The following PCSK5 variants were observed in gnomAD, a reference collection of about 807,000 sequenced individuals.
PCSK5 encodes the protein prohormone convertase 5.
Under a neutral mutation model 233.2 loss-of-function variants are expected in PCSK5, and 129 were observed. The observed-to-expected ratio is 0.55, with a 90% CI of 0.48 to 0.64. PCSK5 has a LOEUF of 0.64. PCSK5 is among the 30% of genes least tolerant of loss of function. PCSK5 has a pLI of 0.00. For missense variants in PCSK5, 2,076 were observed against 2,430.1 expected (o/e 0.85, Z 3.06); for synonymous variants, 825 against 879.2 (o/e 0.94, Z 1.09).
chr9:76,133,269 G>A (rs575169282), intron 9 of PCSK5, among the ~76,000 whole-genome samples: 18 of 152,072 alleles, frequency 1.2e-4, no homozygotes, highest in Non-Finnish European at 2.4e-4. Flanking sequence ...TAAGTATCCT[G>A]ATTAGAATTG....
rs149902595 is a variant in PCSK5, at chr9:76,308,976, G to A, written c.3688+248G>A. Reference sequence around the variant, plus strand: ...TTCACACCTGTAATCCCAACATTTTGAGAGGCTGAGGCGGGAGGATTTCTT... The same window carrying A: ...TTCACACCTGTAATCCCAACATTTTAAGAGGCTGAGGCGGGAGGATTTCTT... On this transcript the variant is annotated intron_variant, in intron 29 of 37. Transcript: ENST00000674117. 2.8e-3 allele frequency among the ~76,000 whole-genome samples: 424 copies of A among 152,332 alleles called. 3 individuals are homozygous for A. Among genetic ancestry groups the A allele is most frequent in the African/African-American group, 9.8e-3 (408 of 41,572 alleles).
intron 1 of PCSK5, among the ~76,000 whole-genome samples, chr9:75,902,824 G>T (rs907621421): frequency 2.6e-5 from 4 of 152,140 alleles, no homozygotes; most frequent in East Asian, 1.9e-4. Context: ...TGCACTGCAG[G>T]TCCCTTACCA....
At chr9:76,235,346 T>A (rs1416179599) in intron 22 of PCSK5, among the ~76,000 whole-genome samples, 1 of 152,116 alleles carries the variant, frequency 6.6e-6, no homozygotes, top group Non-Finnish European at 1.5e-5. Flanking sequence ...CAAGATGGCA[T>A]CCAAAATCAC....
chr9:76,313,002 A>G (rs1357509511), intron 30 of PCSK5, among the ~76,000 whole-genome samples: 2 of 152,164 alleles, frequency 1.3e-5, no homozygotes, highest in Non-Finnish European at 1.5e-5. Context: ...ATTTTAAATC[A>G]CTATTTTTTG....
intron 20 of PCSK5, among the ~76,000 whole-genome samples, chr9:76,200,978 C>CA (rs1345289312): frequency 2.0e-5 from 3 of 152,212 alleles, no homozygotes; most frequent in Non-Finnish European, 4.4e-5. Flanking sequence ...TTCACTCAGA[C>CA]AGAATGCTGA....
At chr9:76,274,925 G>C (rs560013140) in intron 24 of PCSK5, among the ~76,000 whole-genome samples, 18 of 152,158 alleles carry the variant, frequency 1.2e-4, no homozygotes, top group African/African-American at 3.1e-4. Context: ...GAAAGCAAGG[G>C]GAGGGGAGGC....
intron 2 of PCSK5, among the ~76,000 whole-genome samples, chr9:75,942,145 C>T (rs184520527): frequency 1.1e-4 from 16 of 152,258 alleles, no homozygotes; most frequent in East Asian, 3.9e-4. Context: ...GTTGCCTGCC[C>T]GGAGCAGCTG....
intron 1 of PCSK5, among the ~76,000 whole-genome samples, chr9:75,919,973 A>G (rs7024810): frequency 0.58 from 88,730 of 152,018 alleles, 27,830 homozygotes; most frequent in African/African-American, 0.8. Context: ...TTCGAGACCA[A>G]CCTGGCCAAC....
intron 1 of PCSK5, among the ~76,000 whole-genome samples, chr9:75,901,135 G>A (rs1826013559): frequency 6.6e-6 from 1 of 152,146 alleles, no homozygotes; most frequent in Non-Finnish European, 1.5e-5. Flanking sequence ...CACTTAAAAG[G>A]ATTATAAATC....
chr9:76,218,836 G>A (rs561500275), intron 20 of PCSK5, among the ~76,000 whole-genome samples: 122 of 151,662 alleles, frequency 8.0e-4, no homozygotes, highest in Non-Finnish European at 1.4e-3. Flanking sequence ...ATGCTGACCC[G>A]CAGTAGGCAC....
chr9:76,246,142 A>G (rs913976789), intron 24 of PCSK5, among the ~76,000 whole-genome samples: 14 of 151,890 alleles, frequency 9.2e-5, no homozygotes, highest in African/African-American at 3.4e-4. Flanking sequence ...GGAGTTTGAG[A>G]CCATCCTGGA....
In PCSK5 at chr9:76,096,085, T is replaced by A; in HGVS notation, c.1090T>A (p.Ser364Thr). 6.2e-7 allele frequency: 1 copy of A among 1,613,170 alleles called. No homozygotes were observed. The highest frequency in any genetic ancestry group is 8.5e-7 in the Non-Finnish European group (1 of 1,179,474). ...GGCCACAACCTACAGCAGCGGGGAG[T>A]CCTACGATAAGAAAATCGTACGTGA... Reference protein sequence around the residue: ...TLATTYSSGESYDKKIITTDL... With the variant: ...TLATTYSSGETYDKKIITTDL... Residue 364 changes from serine (S) to threonine (T), a missense_variant, in exon 8 of 38, where the codon TCC becomes ACC. By Grantham distance (58) the Ser-to-Thr change is moderately conservative. Coordinates refer to ENST00000674117, the MANE Select transcript of PCSK5 (RefSeq NM_001372043.1).
At position 76,354,169 on chromosome 9, in the gene PCSK5, C is replaced by T. The variant is rs748359584; in HGVS notation, c.5204C>T (p.Thr1735Ile). Residue 1735 changes from threonine (T) to isoleucine (I), a missense_variant, in exon 37 of 38, where the codon ACC (threonine) becomes ATC (isoleucine). By Grantham distance (89) the Thr-to-Ile change is moderately conservative. Transcript: ENST00000674117. ...AGCCACTGCCTCCACTGCTGCAACA[C>T]CTCTGATCCCCCCAGTGCCCAGGAG... ...DDSHCLHCCN[T>I]SDPPSAQECC... The T allele has an allele frequency of 6.9e-6, 11 of 1,591,240 alleles. No individual in the cohort carries two copies. The highest frequency in any genetic ancestry group is 3.4e-5 in the South Asian group (3 of 87,308).
At chr9:75,971,616 G>C (rs958307135) in intron 2 of PCSK5, among the ~76,000 whole-genome samples, 2 of 152,104 alleles carry the variant, frequency 1.3e-5, no homozygotes, top group African/African-American at 4.8e-5. Flanking sequence ...ACTTTTTAAT[G>C]ATCACCATTC....
At chr9:75,929,636 C>CCAT (rs141214269) in intron 1 of PCSK5, among the ~76,000 whole-genome samples, 2,984 of 152,010 alleles carry the variant, frequency 0.02, 43 homozygotes, top group South Asian at 0.036. Context: ...GGAAGGAAGG[C>CCAT]CATCATAGCT....
intron 1 of PCSK5, among the ~76,000 whole-genome samples, chr9:75,904,950 T>C (rs1322355990): frequency 6.6e-6 from 1 of 152,198 alleles, no homozygotes; most frequent in Non-Finnish European, 1.5e-5. Flanking sequence ...ATATTAATAT[T>C]ATGGAATATT....
At chr9:76,015,933 A>G (rs979417797) in intron 3 of PCSK5, among the ~76,000 whole-genome samples, 1 of 152,140 alleles carries the variant, frequency 6.6e-6, no homozygotes, top group Admixed American at 6.5e-5. Flanking sequence ...TTCTCCAGCT[A>G]TACTGTCTTA....
chr9:76,237,243 G>A (rs905646547), intron 22 of PCSK5, among the ~76,000 whole-genome samples: 1 of 152,144 alleles, frequency 6.6e-6, no homozygotes, highest in Non-Finnish European at 1.5e-5. Flanking sequence ...AATGTTGATC[G>A]ATAGCTATAG....
At position 75,974,969 on chromosome 9, in the gene PCSK5, C is replaced by T. The variant is rs541749275; in HGVS notation, c.298-11163C>T. ...CTCCCTTTGATTCATAAAGCTAGAG[C>T]TTGCCAACATAACAATTGGTCACCC... is the stretch of plus-strand genomic sequence containing the variant. On this transcript the variant is annotated intron_variant, in intron 2 of 37. Coordinates refer to ENST00000674117, the MANE Select transcript of PCSK5 (RefSeq NM_001372043.1). 2.0e-4 allele frequency among the ~76,000 whole-genome samples: 30 copies of T among 152,308 alleles called. 1 individual carries two copies. The East Asian group carries it at 5.4e-3, about 27-fold the overall frequency.
Sources: allele counts gnomAD v4.1 joint callset (sites outside exome capture counted in the v4.1 genomes callset), GRCh38; gene constraint gnomAD v4.1.1; transcripts MANE v1.5; gene names NCBI Gene and HGNC (gene_info 2026-07-23, HGNC 2026-07-21).